SERGEF: variants seen among roughly 807,000 people sequenced by gnomAD.
The protein encoded by SERGEF is secretion regulating guanine nucleotide exchange factor, also known as secretion-regulating guanine nucleotide exchange factor.
In SERGEF, 51 loss-of-function variants were observed where a neutral mutation model predicts 50.0. The ratio of observed to expected loss-of-function variants is 1.02; its 90% CI spans 0.81 to 1.29. The LOEUF is 1.29. SERGEF is among the 50% of genes most tolerant of loss of function. The probability of loss-of-function intolerance (pLI) is 0.00; values close to 1 mark genes in which losing one functional copy is unlikely to be tolerated. For synonymous variants in SERGEF, 205 were observed against 212.4 expected (o/e 0.97, Z 0.30); for missense variants, 521 against 557.0 (o/e 0.94, Z 0.65).
chr11:17,975,115 T>A (rs1000358453), intron 8 of SERGEF, among the ~76,000 whole-genome samples: 19 of 152,186 alleles, frequency 1.2e-4, no homozygotes, highest in African/African-American at 4.1e-4. Context: ...ATGATCTTAT[T>A]TGAGCCTCAC....
At chr11:17,859,559 G>T (rs1056105388) in intron 10 of SERGEF, among the ~76,000 whole-genome samples, 5 of 152,128 alleles carry the variant, frequency 3.3e-5, no homozygotes, top group Non-Finnish European at 7.3e-5. Context: ...GAACTGGCAG[G>T]CCTAAGCCTC....
intron 9 of SERGEF, among the ~76,000 whole-genome samples, chr11:17,907,780 G>C (rs190591377): frequency 6.6e-6 from 1 of 152,356 alleles, no homozygotes; most frequent in African/African-American, 2.4e-5. Context: ...AAGGATCTCA[G>C]AGGGAAGATG....
chr11:17,844,713 C>T (rs1308987514), intron 10 of SERGEF, among the ~76,000 whole-genome samples: 4 of 152,100 alleles, frequency 2.6e-5, no homozygotes, highest in Admixed American at 2.6e-4. Flanking sequence ...CTCACAAGAG[C>T]ATCAGAAAGG....
rs376136746 is a variant in SERGEF, at chr11:17,932,607, T to C, written c.1011+26863A>G. Among the ~76,000 whole-genome samples, 8 of 152,200 alleles carry C rather than the reference T, an allele frequency of 5.3e-5. No homozygotes were observed. The South Asian group carries it at 8.3e-4, about 16-fold the overall frequency. On this transcript the variant is annotated intron_variant, in intron 9 of 10. Transcript: ENST00000265965. The stretch of plus-strand genomic sequence containing the variant: ...CAGCCCTAAGAGGAGAAAGGAGCCA[T>C]AGAAGGAGAAAGGAGGTAATGAAGG...
intron 9 of SERGEF, among the ~76,000 whole-genome samples, chr11:17,901,130 C>T (rs560480083): frequency 1.3e-5 from 2 of 152,196 alleles, no homozygotes; most frequent in East Asian, 3.9e-4. Flanking sequence ...ACCTCCTCCT[C>T]CCACTCCCCA....
chr11:17,835,179 G>A lies in SERGEF; in HGVS notation c.1048+43029C>T, dbSNP rs190045495. ...CTGGAAATCAACTCCAAGGATACAA[G>A]CCACAAAAAGATGCTACCAAGCTTG... On this transcript the variant is annotated intron_variant, in intron 10 of 10. Coordinates refer to ENST00000265965, the MANE Select transcript of SERGEF (RefSeq NM_012139.4). Among the ~76,000 whole-genome samples, 19 of 152,300 alleles carry A rather than the reference G, an allele frequency of 1.2e-4. No homozygotes were observed. In the East Asian group the frequency reaches 2.9e-3, roughly 23 times the overall value.
intron 10 of SERGEF, among the ~76,000 whole-genome samples, chr11:17,826,718 T>G (rs548637828): frequency 6.6e-6 from 1 of 152,324 alleles, no homozygotes; most frequent in Non-Finnish European, 1.5e-5. Flanking sequence ...GTAACAATAG[T>G]AATAATAATA....
chr11:17,964,581 G>A (rs1364186405), intron 8 of SERGEF, among the ~76,000 whole-genome samples: 2 of 152,196 alleles, frequency 1.3e-5, no homozygotes, highest in Non-Finnish European at 2.9e-5. Context: ...TGAGGTGGAT[G>A]TTATAAAAAG....
At chr11:17,904,723 A>ACCAGT (rs1851807334) in intron 9 of SERGEF, among the ~76,000 whole-genome samples, 3 of 152,210 alleles carry the variant, frequency 2.0e-5, no homozygotes, top group African/African-American at 7.2e-5. Flanking sequence ...TGCAAGGCCT[A>ACCAGT]CCAGTCTGCA....
intron 10 of SERGEF, among the ~76,000 whole-genome samples, chr11:17,824,681 G>T (rs942574076): frequency 6.6e-6 from 1 of 152,170 alleles, no homozygotes; most frequent in African/African-American, 2.4e-5. Flanking sequence ...CTGCCTTCTT[G>T]CTGTGTCCTC....
intron 9 of SERGEF, among the ~76,000 whole-genome samples, chr11:17,942,457 C>T (rs183503429): frequency 2.6e-5 from 4 of 151,978 alleles, no homozygotes; most frequent in Admixed American, 6.5e-5. Flanking sequence ...GATTTTTGAA[C>T]GTTGATTTTG....
At chr11:17,977,745 A>T (rs182653677) in intron 8 of SERGEF, among the ~76,000 whole-genome samples, 3,371 of 152,286 alleles carry the variant, frequency 0.022, 111 homozygotes, top group African/African-American at 0.075. Context: ...CATTGGCCTT[A>T]TAAAAGAAAC....
At chr11:17,926,864 C>T (rs1852262024) in intron 9 of SERGEF, 2 of 455,998 alleles carry the variant, frequency 4.4e-6, no homozygotes, top group South Asian at 1.5e-5. Flanking sequence ...GTAATGGGCA[C>T]ACAACAAATA....
intron 10 of SERGEF, among the ~76,000 whole-genome samples, chr11:17,789,475 T>G (rs935258430): frequency 2.0e-5 from 3 of 152,224 alleles, no homozygotes; most frequent in African/African-American, 4.8e-5. Context: ...CCAACATTCA[T>G]GCCCAGGTAA....
At chr11:17,908,333 T>C (rs967076081) in intron 9 of SERGEF, among the ~76,000 whole-genome samples, 19 of 152,268 alleles carry the variant, frequency 1.2e-4, no homozygotes, top group Middle Eastern at 6.8e-3. Flanking sequence ...TGGATCTTCA[T>C]ATAAGCAGCT....
chr11:17,959,172 C>A (rs1036238795), intron 9 of SERGEF, among the ~76,000 whole-genome samples: 1 of 152,170 alleles, frequency 6.6e-6, no homozygotes, highest in Non-Finnish European at 1.5e-5. Flanking sequence ...CCTGGCCAGC[C>A]TTGTCATTTT....
chr11:17,994,088 T>C (rs1853778927), intron 6 of SERGEF, among the ~76,000 whole-genome samples: 2 of 152,198 alleles, frequency 1.3e-5, no homozygotes, highest in African/African-American at 4.8e-5. Context: ...TAAAAGTTCA[T>C]AATCTTCAGC....
chr11:17,814,431 C>G lies in SERGEF; in HGVS notation c.1049-26018G>C, dbSNP rs563352707. ...TGGATTTTAGACTTACTAGCCCCCA[C>G]TACTGTGTGAGCCAATTCCTTCAAA... On this transcript the variant is annotated intron_variant, in intron 10 of 10. Coordinates refer to ENST00000265965, the MANE Select transcript of SERGEF (RefSeq NM_012139.4). Among the ~76,000 whole-genome samples the G allele has an allele frequency of 3.3e-5, 5 of 152,320 alleles. No individual in the cohort carries two copies. In the South Asian group the frequency reaches 1.0e-3, roughly 32 times the overall value.
In SERGEF at chr11:17,898,107, T is replaced by TA. The variant is rs545730735; in HGVS notation, c.1012-19864dup. On this transcript the variant is annotated intron_variant, in intron 9 of 10. Coordinates refer to ENST00000265965, the MANE Select transcript of SERGEF (RefSeq NM_012139.4). Reference sequence around the variant, plus strand: ...AGCATTCATGATAATTTAACACTATTAAAAAATATATTTTAAATAAGTAGG... The same window carrying TA: ...AGCATTCATGATAATTTAACACTATTAAAAAAATATATTTTAAATAAGTAGG... Among the ~76,000 whole-genome samples, 57 of 152,276 alleles carry TA rather than the reference T, an allele frequency of 3.7e-4. 1 individual carries two copies. The highest frequency in any genetic ancestry group is 6.5e-4 in the Non-Finnish European group (44 of 68,032).
Sources: allele counts gnomAD v4.1 joint callset (sites outside exome capture counted in the v4.1 genomes callset), GRCh38; gene constraint gnomAD v4.1.1; transcripts MANE v1.5; gene names NCBI Gene and HGNC (gene_info 2026-07-23, HGNC 2026-07-21).